Variants in NPR1 observed in about 807,000 individuals in gnomAD.
NPR1 encodes natriuretic peptide receptor 1, also known as atrial natriuretic peptide receptor 1.
Under a neutral mutation model 116.9 loss-of-function variants are expected in NPR1, and 57 were observed. The ratio of observed to expected loss-of-function variants is 0.49; its 90% CI spans 0.39 to 0.61. The LOEUF (loss-of-function observed/expected upper bound fraction) is 0.61, where lower values mean the gene tolerates loss of function less well. NPR1 is among the 20% of genes least tolerant of loss of function. The probability of loss-of-function intolerance (pLI) is 0.00; values close to 1 mark genes in which losing one functional copy is unlikely to be tolerated. For missense variants in NPR1, 1,096 were observed against 1,409.8 expected (o/e 0.78, Z 3.56); for synonymous variants, 555 against 601.6 (o/e 0.92, Z 1.13).
chr1:153,688,343 A>G (rs1669992939), intron 15 of NPR1, 122 bp downstream of exon 15: 17 of 989,242 alleles, frequency 1.7e-5, no homozygotes, highest in Non-Finnish European at 2.4e-5. Context: ...CTCCCTGTAC[A>G]TAGTCAGCTC....
chr1:153,679,807 G>A lies in NPR1; in HGVS notation c.699G>A (p.Arg233=). The change falls in exon 1 of 22, where the codon CGG becomes CGA. Residue 233 remains arginine, a synonymous_variant. Transcript: ENST00000368680. This position sits in a 1 kb window ranked among gnomAD's most constrained non-coding sequence, Gnocchi z 4.2. Reference sequence around the variant, plus strand: ...TCAGCCACTACACCAGGCTGCTGCGGACCATGCCGCGCAAAGGCCGAGGTG... The same window carrying A: ...TCAGCCACTACACCAGGCTGCTGCGAACCATGCCGCGCAAAGGCCGAGGTG... The part of the protein sequence containing the change: ...DDLSHYTRLL[R]TMPRKGRVIY... 6.5e-7 allele frequency: 1 copy of A among 1,544,474 alleles called. No homozygotes were observed. The highest frequency in any genetic ancestry group is 8.7e-7 in the Non-Finnish European group (1 of 1,149,386).
chr1:153,688,926 A>AC, intron 15 of NPR1, 27 bp from the exon 16 acceptor site: 2 of 1,612,676 alleles, frequency 1.2e-6, no homozygotes, highest in Non-Finnish European at 1.7e-6. Flanking sequence ...CTCTCTTACC[A>AC]CCCCCACCGC....
At position 153,678,947 on chromosome 1, in the gene NPR1, G is replaced by A. The variant is rs1669676001; in HGVS notation, c.-162G>A. ...GCCCCTTGCGCTCTCGGCCCAGACC[G>A]TCGCAGCTACAGGGGGCCTCGAGCC... On this transcript the variant is annotated 5_prime_UTR_variant, in exon 1 of 22. Transcript: ENST00000368680. The surrounding 1 kb of genome is among the most constrained non-coding windows in gnomAD (Gnocchi z 5.8). 3 of 971,904 alleles carry A rather than the reference G, an allele frequency of 3.1e-6. No individual in the cohort carries two copies. Among genetic ancestry groups the A allele is most frequent in the Admixed American group, 4.1e-5 (1 of 24,490 alleles). 60.2% of individuals were successfully genotyped at this position (971,904 alleles called of 1,614,324 possible). A position where few individuals can be genotyped will look rare whatever the true frequency, so the allele number is the denominator to read the frequency against.
Position 153,686,704 on chromosome 1 carries a change from C to A in NPR1, c.1817C>A (p.Pro606His), listed in dbSNP as rs572514811. ...TRFVGACTDPPNICILTEYCP... is the reference protein window; with the variant it reads ...TRFVGACTDPHNICILTEYCP... Reference sequence around the variant, plus strand: ...TTTGTGGGAGCCTGCACCGACCCCCCCAATATCTGCATCCTCACAGAGTAC... The same window carrying A: ...TTTGTGGGAGCCTGCACCGACCCCCACAATATCTGCATCCTCACAGAGTAC... The change falls in exon 11 of 22, where the codon CCC (proline) becomes CAC (histidine). Residue 606 changes from proline to histidine, a missense_variant. By Grantham distance (77) the Pro-to-His change is moderately conservative (BLOSUM62 -2). Coordinates refer to ENST00000368680, the MANE Select transcript of NPR1 (RefSeq NM_000906.4). 2 of 1,613,948 alleles carry A rather than the reference C, an allele frequency of 1.2e-6. No homozygotes were observed. The highest frequency in any genetic ancestry group is 1.7e-5 in the Admixed American group (1 of 59,990).
chr1:153,688,364 C>G, intron 15 of NPR1, 143 bp downstream of exon 15: 1 of 800,784 alleles, frequency 1.2e-6, no homozygotes. Flanking sequence ...CAGCTCAGCA[C>G]AGCCTCATGA....
intron 19 of NPR1, 136 bp from the exon 20 acceptor site, chr1:153,690,148 C>CAG (rs1279620922): frequency 2.7e-6 from 2 of 728,992 alleles, no homozygotes; most frequent in Admixed American, 4.8e-5. Flanking sequence ...CTCTCACACA[C>CAG]ACACACACAC....
At chr1:153,682,723 T>C in intron 5 of NPR1, 134 bp downstream of exon 5, 1 of 695,842 alleles carries the variant, frequency 1.4e-6, no homozygotes. Context: ...ACAAGAGCCC[T>C]GGATAAAACA....
intron 3 of NPR1, 51 bp from the exon 4 acceptor site, chr1:153,681,653 C>A: frequency 1.3e-6 from 2 of 1,595,734 alleles, no homozygotes; most frequent in Non-Finnish European, 1.7e-6. Flanking sequence ...CAGCTCCCAC[C>A]TCCATGCCCT....
chr1:153,693,042 G>T, intron 20 of NPR1, 64 bp from the exon 21 acceptor site: 1 of 1,305,828 alleles, frequency 7.7e-7, no homozygotes, highest in East Asian at 2.3e-5. Flanking sequence ...GGTCTCTTTT[G>T]CCTCTACTTT....
At chr1:153,693,239 T>C in intron 21 of NPR1, 42 bp downstream of exon 21, 2 of 1,600,536 alleles carry the variant, frequency 1.2e-6, no homozygotes, top group South Asian at 1.1e-5. Context: ...TTTGGGGTCC[T>C]AGAGGGAGTT....
intron 11 of NPR1, 28 bp from the exon 12 acceptor site, chr1:153,686,988 A>C: frequency 6.2e-7 from 1 of 1,611,290 alleles, no homozygotes; most frequent in Non-Finnish European, 8.5e-7. Flanking sequence ...TCTGCAGGGG[A>C]TTGGTCTGAC....
At chr1:153,683,583 G>A in intron 6 of NPR1, 72 bp downstream of exon 6, 1 of 1,597,386 alleles carries the variant, frequency 6.3e-7, no homozygotes. Flanking sequence ...AGTCGAGTAG[G>A]TGCTCCTGTC....
Position 153,689,312 on chromosome 1 carries a change from G to T in NPR1, c.2688+1G>T. The T allele has an allele frequency of 6.2e-7, 1 of 1,614,186 alleles. No individual in the cohort carries two copies. Among genetic ancestry groups the T allele is most frequent in the Non-Finnish European group, 8.5e-7 (1 of 1,180,036 alleles). On this transcript the variant is annotated splice_donor_variant, in intron 17 of 21. Transcript: ENST00000368680. LOFTEE classifies it high-confidence loss of function. This position sits in a 1 kb window ranked among gnomAD's most constrained non-coding sequence, Gnocchi z 5.1. ...GTCGGCGGAGAGCACACCCATGCAG[G>T]TAGGCCAGGGTTCAGCCACAGGTGC...
In NPR1 at chr1:153,685,084, G is replaced by C; in HGVS notation, c.1605G>C (p.Gly535=). The change falls in exon 8 of 22, where the codon GGG becomes GGC. Residue 535 remains glycine, a splice_region_variant and synonymous_variant. Coordinates refer to ENST00000368680, the MANE Select transcript of NPR1 (RefSeq NM_000906.4). The stretch of plus-strand genomic sequence containing the variant: ...CAGGCAGCCGGCTGACCCTGAGCGG[G>C]GTAAGAACGCTGGTGTTTGTGTTGG... ...RSAGSRLTLS[G]RGSNYGSLLT... 1 of 1,613,882 alleles carries C rather than the reference G, an allele frequency of 6.2e-7. No homozygotes were observed. Among genetic ancestry groups the C allele is most frequent in the Non-Finnish European group, 8.5e-7 (1 of 1,179,962 alleles).
rs774887934 is a variant in NPR1, at chr1:153,679,117, G to T, written c.9G>T (p.Gly3=). 2.8e-6 allele frequency: 4 copies of T among 1,430,046 alleles called. No homozygotes were observed. In the South Asian group the frequency reaches 4.4e-5, roughly 16 times the overall value. The allele number at this position is 1,430,046 out of a possible 1,614,324, so 88.6% of individuals were successfully genotyped here. Residue 3 remains glycine (G), a synonymous_variant, in exon 1 of 22, where the codon GGG becomes GGT. Transcript: ENST00000368680. The surrounding 1 kb of genome is among the most constrained non-coding windows in gnomAD (Gnocchi z 4.2). MP[G]PRRPAGSRLR... is the part of the protein sequence containing the mutation. The stretch of plus-strand genomic sequence containing the variant: ...CGGTGCCCGCTGAGGCCATGCCGGG[G>T]CCCCGGCGCCCCGCTGGCTCCCGCC...
chr1:153,691,907 G>GAAAGAAAAGA (rs762174013), intron 20 of NPR1, among the ~76,000 whole-genome samples: 66 of 151,424 alleles, frequency 4.4e-4, no homozygotes, highest in Non-Finnish European at 6.8e-4. Flanking sequence ...AAGAGAGAAA[G>GAAAGAAAAGA]AAAGAAAAGA....
At chr1:153,685,967 A>G (rs1457487245) in intron 9 of NPR1, 87 bp downstream of exon 9, 2 of 1,438,344 alleles carry the variant, frequency 1.4e-6, no homozygotes, top group Non-Finnish European at 2.0e-6. Context: ...TGAGGGAAGG[A>G]GTAAGCTGGT....
chr1:153,687,851 G>A, intron 14 of NPR1, 62 bp downstream of exon 14: 1 of 1,503,182 alleles, frequency 6.7e-7, no homozygotes, highest in Non-Finnish European at 9.0e-7. Context: ...GCCCCAGGGA[G>A]AGGGTCCCCT....
chr1:153,687,557 C>T lies in NPR1; in HGVS notation c.2093-77C>T, dbSNP rs571317346. On this transcript the variant is annotated intron_variant, in intron 13 of 21. Transcript: ENST00000368680. ...CTCTGTGATGCATCCAGATCAGTTT[C>T]GGCCACACCCTTGTTTCCCCCTCAC... 283 of 1,515,104 alleles carry T rather than the reference C, an allele frequency of 1.9e-4. 1 individual carries two copies. Among genetic ancestry groups the T allele is most frequent in the Middle Eastern group, 8.3e-4 (4 of 4,804 alleles). The allele number at this position is 1,515,104 out of a possible 1,614,324, so 93.9% of individuals were successfully genotyped here.
Sources: gnomAD v4.1 joint callset for allele counts (sites outside exome capture counted in the v4.1 genomes callset) on GRCh38, gnomAD v4.1.1 for gene constraint, Gnocchi (gnomAD v3.1) non-coding constraint, MANE v1.5 for transcripts, NCBI Gene and HGNC (gene_info 2026-07-23, HGNC 2026-07-21) for gene names.